Variants in GGA2 observed in about 807,000 individuals in gnomAD.
GGA2 encodes the protein golgi associated, gamma adaptin ear containing, ARF binding protein 2.
Under a neutral mutation model 79.5 loss-of-function variants are expected in GGA2, and 48 were observed. The observed-to-expected ratio is 0.60, with a 90% CI of 0.48 to 0.77. The LOEUF (loss-of-function observed/expected upper bound fraction) is 0.77, where lower values mean the gene tolerates loss of function less well. Ranked by LOEUF, GGA2 falls within the 30% of genes least tolerant of loss-of-function variation. The pLI is 0.00. For missense variants in GGA2, 770 were observed against 774.0 expected, an observed-to-expected ratio of 0.99 and a Z score of 0.06; for synonymous variants, 317 against 302.0, an observed-to-expected ratio of 1.05 and a Z score of -0.51.
At chr16:23,483,723 C>T (rs966753862) in intron 8 of GGA2, among the ~76,000 whole-genome samples, 37 of 151,798 alleles carry the variant, frequency 2.4e-4, no homozygotes, top group Non-Finnish European at 4.3e-4. Flanking sequence ...CTCAGCTCAC[C>T]GCAACCTCCG....
chr16:23,503,485 T>G (rs970099239), intron 1 of GGA2, among the ~76,000 whole-genome samples: 3 of 152,246 alleles, frequency 2.0e-5, no homozygotes, highest in African/African-American at 2.4e-5. Context: ...TTATATCTTA[T>G]ATTTGATTTA....
intron 12 of GGA2, 104 bp downstream of exon 12, chr16:23,478,779 G>A (rs1405742571): frequency 1.2e-6 from 1 of 849,156 alleles, no homozygotes; most frequent in African/African-American, 1.6e-5. Context: ...ATCCCACCGG[G>A]ACAGTGCAGG....
upstream of GGA2, chr16:23,510,601 C>T: frequency 2.6e-6 from 1 of 382,994 alleles, no homozygotes; most frequent in Non-Finnish European, 4.6e-6. Flanking sequence ...GTCCAGATCC[C>T]TCCACCCAGC....
intron 2 of GGA2, among the ~76,000 whole-genome samples, chr16:23,515,935 G>A (rs926611242): frequency 1.3e-5 from 2 of 151,718 alleles, no homozygotes; most frequent in South Asian, 2.1e-4. Context: ...CAACTCCTGG[G>A]TTCAAGTATC....
At chr16:23,494,542 A>C (rs1287935363) in intron 2 of GGA2, 164 bp from the exon 3 acceptor site, 4 of 628,110 alleles carry the variant, frequency 6.4e-6, no homozygotes, top group Non-Finnish European at 8.5e-6. Flanking sequence ...GGAGAGGGCC[A>C]CCTCGCACCC....
intron 1 of GGA2, among the ~76,000 whole-genome samples, chr16:23,496,693 A>T (rs944653797): frequency 3.3e-5 from 5 of 152,162 alleles, no homozygotes; most frequent in Non-Finnish European, 7.3e-5. Flanking sequence ...GCGATGGCTC[A>T]CGCCTGTAAT....
At chr16:23,473,399 C>T (rs1003807570) in intron 14 of GGA2, among the ~76,000 whole-genome samples, 1 of 125,564 alleles carries the variant, frequency 8.0e-6, no homozygotes, top group South Asian at 2.8e-4. Context: ...CGCAGTGGCA[C>T]GATCTCAGCT....
chr16:23,491,677 C>CTTGT lies in GGA2; in HGVS notation c.471_474dup (p.Gly159ThrfsTer9). 1 of 1,612,974 alleles carries CTTGT rather than the reference C, an allele frequency of 6.2e-7. No homozygotes were observed. Among genetic ancestry groups the CTTGT allele is most frequent in the Non-Finnish European group, 8.5e-7 (1 of 1,179,130 alleles). ...TAAGACACAGTAAGGCAAGTCAGAC[C>CTTGT]TTGTTTCTTCAGCATCTGATAAGCG... On this transcript the variant is annotated frameshift_variant and splice_region_variant, in exon 5 of 17. Coordinates refer to ENST00000309859, the MANE Select transcript of GGA2 (RefSeq NM_015044.4). LOFTEE classifies it high-confidence loss of function.
exon 1 of GGA2, chr16:23,521,949 T>C (rs1965147408): frequency 2.6e-6 from 1 of 382,756 alleles, no homozygotes; most frequent in African/African-American, 2.1e-5. Flanking sequence ...CCTCGGAAGT[T>C]TTAGTTAACT....
chr16:23,502,128 A>G (rs985949384), intron 1 of GGA2, among the ~76,000 whole-genome samples: 12 of 152,202 alleles, frequency 7.9e-5, no homozygotes, highest in Admixed American at 4.6e-4. Flanking sequence ...TTCTCTGCCC[A>G]CTGAGGCACT....
chr16:23,486,079 A>C lies in GGA2; in HGVS notation c.734T>G (p.Leu245Arg). Residue 245 changes from leucine to arginine, a missense_variant, in exon 8 of 17, where the codon CTG becomes CGG. Physicochemically the swap from Leu to Arg is moderately radical, Grantham distance 102. Transcript: ENST00000309859. ...GCGGTACATGCTCAGCATCTCCTGC[A>C]GCACCTTCACATGGCTTCGCACTTC... is the stretch of plus-strand genomic sequence containing the variant. ...VEEVRSHVKV[L>R]QEMLSMYRRP... 1 of 1,614,118 alleles carries C rather than the reference A, an allele frequency of 6.2e-7. No individual in the cohort carries two copies. Among genetic ancestry groups the C allele is most frequent in the South Asian group, 1.1e-5 (1 of 91,076 alleles).
chr16:23,469,995 C>T lies in GGA2; in HGVS notation c.1620+1G>A, dbSNP rs1964488955. 3 of 1,541,586 alleles carry T rather than the reference C, an allele frequency of 1.9e-6. No individual in the cohort carries two copies. The highest frequency in any genetic ancestry group is 1.4e-5 in the African/African-American group (1 of 72,268). ...TGAGAAATCCCCAACAGATGACTCACCTTTGGCACAGCCACTTGAAACATG... is the reference window on the plus strand; with the variant it reads ...TGAGAAATCCCCAACAGATGACTCATCTTTGGCACAGCCACTTGAAACATG... On this transcript the variant is annotated splice_donor_variant, in intron 15 of 16. Transcript: ENST00000309859. LOFTEE classifies it high-confidence loss of function.
chr16:23,464,874 AAT>A lies in GGA2; in HGVS notation c.*2714_*2715del, dbSNP rs1964414774. On this transcript the variant is annotated 3_prime_UTR_variant, in exon 17 of 17. Transcript: ENST00000309859. ...CTTGAGAGAGGTCTACAACCCACCT[AAT>A]GGTTTAGAGCCACCTGACTACCAGG... 1 of 170,140 alleles carries A rather than the reference AAT, an allele frequency of 5.9e-6. No homozygotes were observed. Among genetic ancestry groups the A allele is most frequent in the Non-Finnish European group, 1.3e-5 (1 of 77,986 alleles). The allele number at this position is 170,140 out of a possible 1,614,324, so 10.5% of individuals were successfully genotyped here.
In GGA2 at chr16:23,472,126, AGGCATCCAAAGATGTTCTTTGTAGCCCT is replaced by A. The variant is rs1191508380; in HGVS notation, c.1451-1989_1451-1962del. 4.8e-3 allele frequency among the ~76,000 whole-genome samples: 723 copies of A among 150,380 alleles called. 9 individuals carry two copies. The highest frequency in any genetic ancestry group is 1.0e-2 in the South Asian group (47 of 4,712). Reference sequence around the variant, plus strand: ...CTCATAATCAGGAAGGTATAAAGAAAGGCATCCAAAGATGTTCTTTGTAGCCCTGGCATCCAAAGATGTTCTTTGTAGC... The same window carrying A: ...CTCATAATCAGGAAGGTATAAAGAAAGGCATCCAAAGATGTTCTTTGTAGC... On this transcript the variant is annotated intron_variant, in intron 14 of 16. Transcript: ENST00000309859.
In GGA2 at chr16:23,467,302, T is replaced by C. The variant is rs1419742383; in HGVS notation, c.*288A>G. 8.3e-6 allele frequency: 3 copies of C among 360,854 alleles called. No homozygotes were observed. Among genetic ancestry groups the C allele is most frequent in the African/African-American group, 6.2e-5 (3 of 48,352 alleles). 22.4% of individuals were successfully genotyped at this position (360,854 alleles called of 1,614,324 possible). A position where few individuals can be genotyped will look rare whatever the true frequency, so the allele number is the denominator to read the frequency against. ...GCTCGCTGACATGCAGAAACATGAC[T>C]GTAGCAGAGATGATGATGATGAGAA... On this transcript the variant is annotated 3_prime_UTR_variant, in exon 17 of 17. Transcript: ENST00000309859.
intron 9 of GGA2, among the ~76,000 whole-genome samples, chr16:23,482,215 G>A (rs933671123): frequency 6.6e-6 from 1 of 152,146 alleles, no homozygotes; most frequent in African/African-American, 2.4e-5. Context: ...AGTGAGCCAA[G>A]ACTGCACAAC....
At chr16:23,499,626 C>G (rs1042570464) in intron 1 of GGA2, among the ~76,000 whole-genome samples, 2 of 152,010 alleles carry the variant, frequency 1.3e-5, no homozygotes, top group South Asian at 2.1e-4. Flanking sequence ...TTTGAGAGGC[C>G]GAGGCGGGAA....
chr16:23,495,799 T>A (rs1459402199), intron 1 of GGA2, 21 bp from the exon 2 acceptor site: 1 of 1,539,606 alleles, frequency 6.5e-7, no homozygotes, highest in Admixed American at 1.7e-5. Context: ...AATAATAAAG[T>A]TAGAGAGTAC....
chr16:23,480,761 A>G lies in GGA2; in HGVS notation c.890T>C (p.Leu297Pro). 6.2e-7 allele frequency: 1 copy of G among 1,609,126 alleles called. No individual in the cohort carries two copies. The highest frequency in any genetic ancestry group is 8.5e-7 in the Non-Finnish European group (1 of 1,175,726). The change falls in exon 10 of 17, where the codon CTC becomes CCC. Residue 297 changes from leucine to proline, a missense_variant. Transcript: ENST00000309859. ...TTGGGTGAGGAGGTCATTTGCCTGG[A>G]GAATTTCCGCTGAAGAATGAGGGAA... ...TDDDDALAEI[L>P]QANDLLTQGV... is the part of the protein sequence containing the mutation.
Sources: allele counts gnomAD v4.1 joint callset (sites outside exome capture counted in the v4.1 genomes callset), GRCh38; gene constraint gnomAD v4.1.1; transcripts MANE v1.5; gene names NCBI Gene and HGNC (gene_info 2026-07-23, HGNC 2026-07-21).